The following SLIT2 variants were observed in gnomAD, a reference collection of about 807,000 sequenced individuals.
The protein encoded by SLIT2 is slit guidance ligand 2, also known as slit homolog 2 protein.
SLIT2 carries 41 observed loss-of-function variants against 185.7 expected under a neutral mutation model. The ratio of observed to expected loss-of-function variants is 0.22; its 90% CI spans 0.17 to 0.29. SLIT2 has a LOEUF of 0.29. Ranked by LOEUF, SLIT2 falls within the 10% of genes least tolerant of loss-of-function variation. SLIT2 has a pLI of 1.00. For missense variants in SLIT2, 1,571 were observed against 1,909.0 expected (o/e 0.82, Z 3.30); for synonymous variants, 693 against 680.2 (o/e 1.02, Z -0.29).
rs574808170 is a variant in SLIT2, at chr4:20,417,440, A to G, written c.396-50312A>G. On this transcript the variant is annotated intron_variant, in intron 4 of 36. Coordinates refer to ENST00000504154, the MANE Select transcript of SLIT2 (RefSeq NM_004787.4). ...ATCATATATATATGTGTGTGTGTAT[A>G]TATATATATATATATATACGTATAT... Among the ~76,000 whole-genome samples the G allele has an allele frequency of 6.0e-4, 85 of 142,050 alleles. 1 individual carries two copies. The highest frequency in any genetic ancestry group is 1.5e-3 in the African/African-American group (61 of 39,722). The allele number at this position is 142,050 out of a possible 152,430, so 93.2% of individuals were successfully genotyped here.
chr4:20,269,152 A>G (rs1191173139), intron 4 of SLIT2, among the ~76,000 whole-genome samples: 1 of 151,792 alleles, frequency 6.6e-6, no homozygotes, highest in African/African-American at 2.4e-5. Context: ...AGATTTACCT[A>G]CCTTTTAATG....
intron 5 of SLIT2, among the ~76,000 whole-genome samples, chr4:20,475,170 CCTCT>C (rs771695150): frequency 6.6e-6 from 1 of 152,086 alleles, no homozygotes; most frequent in East Asian, 1.9e-4. Flanking sequence ...GCCAGAATGG[CCTCT>C]CTGTTGCAGA....
At chr4:20,278,196 A>T (rs1714355656) in intron 4 of SLIT2, among the ~76,000 whole-genome samples, 1 of 151,950 alleles carries the variant, frequency 6.6e-6, no homozygotes, top group Admixed American at 6.6e-5. Flanking sequence ...TACACTGTTT[A>T]TGTTCACACT....
intron 14 of SLIT2, among the ~76,000 whole-genome samples, chr4:20,524,835 T>C (rs1721145496): frequency 6.6e-6 from 1 of 152,256 alleles, no homozygotes; most frequent in South Asian, 2.1e-4. Context: ...TGCTTTGATC[T>C]AATATTTTCC....
chr4:20,255,393 C>A (rs1326803142), intron 1 of SLIT2, among the ~76,000 whole-genome samples: 3 of 152,210 alleles, frequency 2.0e-5, no homozygotes, highest in Non-Finnish European at 2.9e-5. Flanking sequence ...TCTCACCTCT[C>A]CGAGCTGGCC....
intron 29 of SLIT2, among the ~76,000 whole-genome samples, chr4:20,588,997 A>G (rs1727290465): frequency 6.6e-6 from 1 of 152,200 alleles, no homozygotes; most frequent in Non-Finnish European, 1.5e-5. Context: ...AAGGAAACCA[A>G]GTGTTTTTCT....
rs114935247 is a variant in SLIT2, at chr4:20,445,000, A to G, written c.396-22752A>G. The stretch of plus-strand genomic sequence containing the variant: ...ATCAGACCTTTTATTTGTATACATA[A>G]TAAGTGTCTTCTCAATATCTCATGC... On this transcript the variant is annotated intron_variant, in intron 4 of 36. Transcript: ENST00000504154. Among the ~76,000 whole-genome samples, 724 of 152,286 alleles carry G rather than the reference A, an allele frequency of 4.8e-3. 7 individuals carry two copies. Among genetic ancestry groups the G allele is most frequent in the African/African-American group, 0.017 (688 of 41,564 alleles).
chr4:20,253,724 G>T lies in SLIT2; in HGVS notation c.-92G>T, dbSNP rs574080017. On this transcript the variant is annotated 5_prime_UTR_variant, in exon 1 of 37. Coordinates refer to ENST00000504154, the MANE Select transcript of SLIT2 (RefSeq NM_004787.4). ...GGCACTCTGGGTTGCTAGCCCCGCC[G>T]GGCACTGGGCCTCAGACACTGCGCG... 1.4e-6 allele frequency: 2 copies of T among 1,469,882 alleles called. No individual in the cohort carries two copies. The highest frequency in any genetic ancestry group is 1.8e-6 in the Non-Finnish European group (2 of 1,085,882). 91.1% of individuals were successfully genotyped at this position (1,469,882 alleles called of 1,614,324 possible). A position where few individuals can be genotyped will look rare whatever the true frequency, so the allele number is the denominator to read the frequency against.
At chr4:20,269,971 CTGACTT>C (rs1224783902) in intron 4 of SLIT2, among the ~76,000 whole-genome samples, 3 of 151,878 alleles carry the variant, frequency 2.0e-5, no homozygotes, top group Admixed American at 2.0e-4. Flanking sequence ...AGAGTCTTTC[CTGACTT>C]TGTTCCTCTA....
In SLIT2 at chr4:20,562,580, G is replaced by A. The variant is rs556923184; in HGVS notation, c.2726-4682G>A. ...AACTGTAAGTTTTTTCAGAAATTCA[G>A]GCATTTCACTTGTCTTTGGTCTCTG... On this transcript the variant is annotated intron_variant, in intron 26 of 36. Coordinates refer to ENST00000504154, the MANE Select transcript of SLIT2 (RefSeq NM_004787.4). Among the ~76,000 whole-genome samples the A allele has an allele frequency of 2.6e-4, 40 of 151,798 alleles. 2 individuals carry two copies. Among genetic ancestry groups the A allele is most frequent in the African/African-American group, 8.9e-4 (37 of 41,414 alleles).
At chr4:20,372,053 G>A (rs1723627493) in intron 4 of SLIT2, among the ~76,000 whole-genome samples, 1 of 152,106 alleles carries the variant, frequency 6.6e-6, no homozygotes, top group Non-Finnish European at 1.5e-5. Context: ...AAGTGGATGA[G>A]AGGGTTCTCT....
At chr4:20,389,228 AG>A (rs1382120917) in intron 4 of SLIT2, among the ~76,000 whole-genome samples, 3 of 151,766 alleles carry the variant, frequency 2.0e-5, no homozygotes, top group Non-Finnish European at 4.4e-5. Flanking sequence ...TAATTATTAT[AG>A]GGTATTATTA....
At position 20,406,672 on chromosome 4, in the gene SLIT2, A is replaced by C. The variant is rs568518681; in HGVS notation, c.396-61080A>C. 7.1e-4 allele frequency among the ~76,000 whole-genome samples: 103 copies of C among 144,830 alleles called. 28 individuals carry two copies. The South Asian group carries it at 0.022, about 30-fold the overall frequency. ...AAACTGACAGCACCAGTGTTAGAAA[A>C]GACAATACAACTACAAGGACTCTCA... On this transcript the variant is annotated intron_variant, in intron 4 of 36. Transcript: ENST00000504154.
chr4:20,275,468 A>T (rs1299770003), intron 4 of SLIT2, among the ~76,000 whole-genome samples: 1 of 152,208 alleles, frequency 6.6e-6, no homozygotes, highest in Admixed American at 6.5e-5. Flanking sequence ...TATTATTGTC[A>T]TCCTTTCATT....
At chr4:20,305,893 T>C (rs1717498124) in intron 4 of SLIT2, among the ~76,000 whole-genome samples, 1 of 144,564 alleles carries the variant, frequency 6.9e-6, no homozygotes, top group South Asian at 2.1e-4. Context: ...ATAATAATAA[T>C]AATAATAATA....
intron 4 of SLIT2, among the ~76,000 whole-genome samples, chr4:20,447,922 G>A (rs1180080666): frequency 6.6e-6 from 1 of 152,210 alleles, no homozygotes. Context: ...ATGAAAAGTA[G>A]TGTTAAGAGG....
At position 20,488,890 on chromosome 4, in the gene SLIT2, C is replaced by G. The variant is rs1164606679; in HGVS notation, c.683C>G (p.Pro228Arg). Residue 228 changes from proline (P) to arginine (R), a missense_variant, in exon 8 of 37, where the codon CCT (proline) becomes CGT (arginine). By Grantham distance (103) the Pro-to-Arg change is moderately radical. This residue lies in a region of SLIT2 where 1,202 missense variants were observed against 1,416.4 expected (regional missense o/e 0.85). Coordinates refer to ENST00000504154, the MANE Select transcript of SLIT2 (RefSeq NM_004787.4). Reference protein sequence around the residue: ...AWLSDWLRQRPRVGLYTQCMG... With the variant: ...AWLSDWLRQRRRVGLYTQCMG... ...CTCTCCGACTGGCTTCGCCAAAGGCCTCGGGTTGGTCTGTACACTCAGTGT... is the reference window on the plus strand; with the variant it reads ...CTCTCCGACTGGCTTCGCCAAAGGCGTCGGGTTGGTCTGTACACTCAGTGT... 3 of 1,612,798 alleles carry G rather than the reference C, an allele frequency of 1.9e-6. No homozygotes were observed. Among genetic ancestry groups the G allele is most frequent in the Non-Finnish European group, 2.5e-6 (3 of 1,179,046 alleles).
At position 20,321,919 on chromosome 4, in the gene SLIT2, C is replaced by G. The variant is rs73106744; in HGVS notation, c.395+53038C>G. Among the ~76,000 whole-genome samples the G allele has an allele frequency of 8.4e-3, 1,277 of 152,178 alleles. 16 individuals carry two copies. The highest frequency in any genetic ancestry group is 0.029 in the African/African-American group (1,212 of 41,498). On this transcript the variant is annotated intron_variant, in intron 4 of 36. Transcript: ENST00000504154. ...TTGGGACCGGTAGTGTGAACATCAT[C>G]TGGGAATTGTTAGAAATGCAGACTC...
chr4:20,573,220 T>G, intron 29 of SLIT2: 1 of 702,976 alleles, frequency 1.4e-6, no homozygotes, highest in Non-Finnish European at 2.6e-6. Context: ...CTCTTCTGTC[T>G]TTGTCGCTGC....
Sources: allele counts gnomAD v4.1 joint callset (sites outside exome capture counted in the v4.1 genomes callset), GRCh38; gene constraint gnomAD v4.1.1; regional missense constraint gnomAD v4.1.1; transcripts MANE v1.5; gene names NCBI Gene and HGNC (gene_info 2026-07-23, HGNC 2026-07-21).